Variants in PEMT observed in about 807,000 individuals in gnomAD.
The protein encoded by PEMT is phosphatidylethanolamine N-methyltransferase, also known as phospholipid methyltransferase.
Under a neutral mutation model 27.4 loss-of-function variants are expected in PEMT, and 23 were observed. That is an observed-to-expected ratio of 0.84 (90% CI 0.60 to 1.19). PEMT has a LOEUF of 1.19. Among genes scored for constraint, PEMT ranks in the 50% most tolerant of loss-of-function variants. The pLI is 0.00. For synonymous variants in PEMT, 137 were observed against 139.1 expected (o/e 0.98, Z 0.11); for missense variants, 307 against 310.1 (o/e 0.99, Z 0.07).
At chr17:17,529,465 C>A (rs557275538) in intron 2 of PEMT, among the ~76,000 whole-genome samples, 8 of 152,236 alleles carry the variant, frequency 5.3e-5, no homozygotes, top group Non-Finnish European at 1.2e-4. Context: ...AACAGATCAA[C>A]AGACCTGCCC....
chr17:17,508,698 G>A (rs1597866183), intron 5 of PEMT: 4 of 442,064 alleles, frequency 9.0e-6, no homozygotes, highest in Admixed American at 2.7e-5. Context: ...TGCCATCCTT[G>A]ACCGCAGGTC....
At chr17:17,510,697 G>A (rs1906305246) in intron 4 of PEMT, among the ~76,000 whole-genome samples, 1 of 152,228 alleles carries the variant, frequency 6.6e-6, no homozygotes, top group Non-Finnish European at 1.5e-5. Context: ...TCTGCTGGCA[G>A]GGCCGCCAGG....
chr17:17,533,924 G>A (rs1908280998), intron 2 of PEMT, among the ~76,000 whole-genome samples: 1 of 152,052 alleles, frequency 6.6e-6, no homozygotes, highest in Admixed American at 6.6e-5. Context: ...AGAGATAGGG[G>A]TTTCAACATG....
At chr17:17,578,787 G>T (rs1911791150) in intron 1 of PEMT, 1 of 152,058 alleles carries the variant, frequency 6.6e-6, no homozygotes, top group Admixed American at 6.5e-5. Context: ...GGGGGCGGGG[G>T]GCTAGGGGAA....
At chr17:17,540,189 T>C (rs924835890) in intron 2 of PEMT, among the ~76,000 whole-genome samples, 4 of 152,120 alleles carry the variant, frequency 2.6e-5, no homozygotes, top group African/African-American at 9.7e-5. Flanking sequence ...GGAGGGCTCA[T>C]GGAGGAAGGA....
chr17:17,520,427 T>A (rs1029531792), intron 3 of PEMT, among the ~76,000 whole-genome samples: 13 of 152,234 alleles, frequency 8.5e-5, no homozygotes, highest in Admixed American at 3.3e-4. Flanking sequence ...TGTTCTCCAA[T>A]GCTGGTCAGC....
chr17:17,586,907 G>A lies in PEMT; in HGVS notation c.96+4624C>T, dbSNP rs113219698. 1.4e-3 allele frequency among the ~76,000 whole-genome samples: 216 copies of A among 152,236 alleles called. 1 individual carries two copies. The highest frequency in any genetic ancestry group is 6.8e-3 in the Middle Eastern group (2 of 294). On this transcript the variant is annotated intron_variant, in intron 1 of 6. Transcript: ENST00000255389. ...AATCCTAGCTACTTGGGAGGCTGAGGCAGGAGAATTGCTTGAACCCGGGAG... is the reference window on the plus strand; with the variant it reads ...AATCCTAGCTACTTGGGAGGCTGAGACAGGAGAATTGCTTGAACCCGGGAG...
intron 2 of PEMT, among the ~76,000 whole-genome samples, chr17:17,554,246 C>T (rs1447578705): frequency 6.6e-6 from 1 of 152,256 alleles, no homozygotes; most frequent in Non-Finnish European, 1.5e-5. Flanking sequence ...CTCCCCTCAG[C>T]CACAAGGCAG....
chr17:17,584,712 A>T (rs1912149947), intron 1 of PEMT, among the ~76,000 whole-genome samples: 1 of 152,250 alleles, frequency 6.6e-6, no homozygotes, highest in African/African-American at 2.4e-5. Flanking sequence ...AGACAATAGT[A>T]ACAATAAGCC....
chr17:17,576,886 C>G, intron 2 of PEMT, 34 bp downstream of exon 2: 1 of 1,555,122 alleles, frequency 6.4e-7, no homozygotes. Context: ...CAGTGAGATA[C>G]TCCCGTCTGG....
intron 5 of PEMT, chr17:17,507,716 A>G (rs1020697): frequency 0.092 from 10,502 of 114,024 alleles, 442 homozygotes; most frequent in East Asian, 0.19. Context: ...CATGCCGGGG[A>G]GCTCAGACAC....
intron 2 of PEMT, chr17:17,570,456 C>G (rs900935486): frequency 6.4e-6 from 6 of 942,952 alleles, no homozygotes; most frequent in Admixed American, 1.2e-4. Context: ...GGGCAGAGGC[C>G]GGGGACATTG....
At position 17,586,289 on chromosome 17, in the gene PEMT, A is replaced by AAAGAAAG. The variant is rs1491465188; in HGVS notation, c.96+5241_96+5242insCTTTCTT. ...GAAAGAAAGAAAGAAAGAAAGAAAG[A>AAAGAAAG]AAAAAAAAAACGCAGGTGGAAAATC... is the stretch of plus-strand genomic sequence containing the variant. On this transcript the variant is annotated intron_variant, in intron 1 of 6. Transcript: ENST00000255389. Among the ~76,000 whole-genome samples, 446 of 63,362 alleles carry AAAGAAAG rather than the reference A, an allele frequency of 7.0e-3. 3 individuals carry two copies. The highest frequency in any genetic ancestry group is 0.011 in the East Asian group (28 of 2,614). The allele number at this position is 63,362 out of a possible 152,430, so 41.6% of individuals were successfully genotyped here.
chr17:17,585,620 A>T (rs1006493506), intron 1 of PEMT, among the ~76,000 whole-genome samples: 1 of 152,208 alleles, frequency 6.6e-6, no homozygotes, highest in African/African-American at 2.4e-5. Flanking sequence ...GTTTCAATTG[A>T]CCATTTAAAT....
At chr17:17,576,623 A>G (rs1911608120) in intron 2 of PEMT, among the ~76,000 whole-genome samples, 1 of 152,178 alleles carries the variant, frequency 6.6e-6, no homozygotes, top group South Asian at 2.1e-4. Context: ...CATGTGACCA[A>G]TGGCAGCCCC....
At chr17:17,583,695 G>A (rs927176765) in intron 1 of PEMT, among the ~76,000 whole-genome samples, 2 of 152,258 alleles carry the variant, frequency 1.3e-5, no homozygotes, top group Non-Finnish European at 2.9e-5. Flanking sequence ...CCCACTCAGG[G>A]CCGAGGCTGG....
chr17:17,521,254 A>G (rs894462637), intron 3 of PEMT, among the ~76,000 whole-genome samples: 1 of 152,150 alleles, frequency 6.6e-6, no homozygotes. Context: ...CATTTTTTGG[A>G]GAACCACGTG....
intron 2 of PEMT, among the ~76,000 whole-genome samples, chr17:17,555,571 C>T (rs917804329): frequency 6.6e-6 from 1 of 152,228 alleles, no homozygotes; most frequent in African/African-American, 2.4e-5. Context: ...CTGAGTGAGT[C>T]TGAACCTCCC....
chr17:17,512,531 C>A lies in PEMT; in HGVS notation c.444G>T (p.Leu148=). 6.2e-7 allele frequency: 1 copy of A among 1,604,778 alleles called. No individual in the cohort carries two copies. ...VVLVLSSFFA[L]GFAGTFLGDY... ...TACCTAGGAAAGTTCCAGCGAACCC[C>A]AGTGCAAAGAAGCTGGAGAGCACGA... Residue 148 remains leucine (L), a synonymous_variant, in exon 4 of 7, where the codon CTG becomes CTT. Coordinates refer to ENST00000255389, the MANE Select transcript of PEMT (RefSeq NM_148172.3). The surrounding 1 kb of genome is among the most constrained non-coding windows in gnomAD (Gnocchi z 6.3).
Sources: allele counts gnomAD v4.1 joint callset (sites outside exome capture counted in the v4.1 genomes callset), GRCh38; gene constraint gnomAD v4.1.1; non-coding constraint Gnocchi (gnomAD v3.1); transcripts MANE v1.5; gene names NCBI Gene and HGNC (gene_info 2026-07-23, HGNC 2026-07-21).